NTNG2: variants seen among roughly 807,000 people sequenced by gnomAD.
NTNG2 encodes the protein netrin-G2.
In NTNG2, 15 loss-of-function variants were observed where a neutral mutation model predicts 47.6. The observed-to-expected ratio is 0.32, with a 90% CI of 0.21 to 0.49. The LOEUF (loss-of-function observed/expected upper bound fraction) is 0.49. Ranked by LOEUF, NTNG2 falls within the 20% of genes least tolerant of loss-of-function variation. The probability of loss-of-function intolerance (pLI) is 0.99; values close to 1 mark genes in which losing one functional copy is unlikely to be tolerated. For synonymous variants in NTNG2, 307 were observed against 324.6 expected, an observed-to-expected ratio of 0.95 and a Z score of 0.58; for missense variants, 578 against 764.6, an observed-to-expected ratio of 0.76 and a Z score of 2.88.
At chr9:132,227,482 T>C (rs1840865335) in intron 4 of NTNG2, among the ~76,000 whole-genome samples, 1 of 152,124 alleles carries the variant, frequency 6.6e-6, no homozygotes, top group Non-Finnish European at 1.5e-5. Context: ...GGACCCCCAC[T>C]TCAGGTGAGG....
Position 132,197,159 on chromosome 9 carries a change from C to A in NTNG2, c.214-807C>A, listed in dbSNP as rs764274186. Among the ~76,000 whole-genome samples, 23 of 152,122 alleles carry A rather than the reference C, an allele frequency of 1.5e-4. No individual in the cohort carries two copies. Among genetic ancestry groups the A allele is most frequent in the Non-Finnish European group, 2.5e-4 (17 of 68,032 alleles). ...AATCCCAGCACTTTGGGAGGGCAAG[C>A]CAGGTGGATCAACGGAGGTCAGAGT... is the stretch of plus-strand genomic sequence containing the variant. On this transcript the variant is annotated intron_variant, in intron 2 of 7. Transcript: ENST00000393229. This position sits in a 1 kb window ranked among gnomAD's most constrained non-coding sequence, Gnocchi z 4.3.
In NTNG2 at chr9:132,163,355, C is replaced by G. The variant is rs1370780292; in HGVS notation, c.-484+1116C>G. 6.6e-6 allele frequency among the ~76,000 whole-genome samples: 1 copy of G among 151,246 alleles called. No homozygotes were observed. The highest frequency in any genetic ancestry group is 1.5e-5 in the Non-Finnish European group (1 of 67,672). On this transcript the variant is annotated intron_variant, in intron 1 of 7. Transcript: ENST00000393229. This position sits in a 1 kb window ranked among gnomAD's most constrained non-coding sequence, Gnocchi z 7.2. ...CGCCCCGCCTCCCGCGCCCAACTTT[C>G]CAGGGCTCCCGCGGGCGGGGACCCA...
At chr9:132,223,962 T>C (rs1564432684) in intron 3 of NTNG2, among the ~76,000 whole-genome samples, 1 of 151,792 alleles carries the variant, frequency 6.6e-6, no homozygotes. Context: ...CTTTCAGCCC[T>C]AGGGCTTTCC....
In NTNG2 at chr9:132,180,534, C is replaced by T. The variant is rs770167332; in HGVS notation, c.213+13490C>T. Among the ~76,000 whole-genome samples the T allele has an allele frequency of 5.9e-5, 9 of 152,206 alleles. No individual in the cohort carries two copies. Among genetic ancestry groups the T allele is most frequent in the Admixed American group, 1.3e-4 (2 of 15,288 alleles). The stretch of plus-strand genomic sequence containing the variant: ...CGTCCTGGGGCTCAGCTCCTAGGGA[C>T]GGGGCTCCCCCAGGCACTGGCTGCC... On this transcript the variant is annotated intron_variant, in intron 2 of 7. Coordinates refer to ENST00000393229, the MANE Select transcript of NTNG2 (RefSeq NM_032536.4). The surrounding 1 kb of genome is among the most constrained non-coding windows in gnomAD (Gnocchi z 4.2).
At chr9:132,167,346 T>G (rs901830171) in intron 2 of NTNG2, among the ~76,000 whole-genome samples, 1 of 152,224 alleles carries the variant, frequency 6.6e-6, no homozygotes, top group Non-Finnish European at 1.5e-5. Context: ...CTCCGCAGCC[T>G]TCAGGCTAAG....
chr9:132,234,121 C>A (rs7871414), intron 5 of NTNG2, among the ~76,000 whole-genome samples: 5,182 of 151,920 alleles, frequency 0.034, 109 homozygotes, highest in Non-Finnish European at 0.051. Context: ...TCCGCCCCCC[C>A]AGGTTCAAGC....
At chr9:132,177,003 G>T (rs1015242197) in intron 2 of NTNG2, among the ~76,000 whole-genome samples, 4 of 152,102 alleles carry the variant, frequency 2.6e-5, no homozygotes, top group African/African-American at 4.8e-5. Context: ...GTTGTGTGTT[G>T]TTTTGAGACA....
intron 4 of NTNG2, among the ~76,000 whole-genome samples, chr9:132,228,814 T>C (rs902437465): frequency 6.6e-6 from 1 of 152,150 alleles, no homozygotes; most frequent in African/African-American, 2.4e-5. Context: ...TGCCTTGGCC[T>C]CCCAAAGTGC....
At chr9:132,227,245 G>A (rs1840839630) in intron 4 of NTNG2, among the ~76,000 whole-genome samples, 1 of 152,228 alleles carries the variant, frequency 6.6e-6, no homozygotes, top group Admixed American at 6.5e-5. Flanking sequence ...ACACGTGCGT[G>A]CATGCACCCC....
Position 132,240,981 on chromosome 9 carries a change from G to A in NTNG2, c.1294G>A (p.Gly432Ser). Residue 432 changes from glycine (G) to serine (S), a missense_variant, in exon 7 of 8, where the codon GGC becomes AGC. Physicochemically the swap from Gly to Ser is moderately conservative, Grantham distance 56 (BLOSUM62 0). Transcript: ENST00000393229. The stretch of plus-strand genomic sequence containing the variant: ...GACCGGCTTCTGCGAGTGCCGCGAG[G>A]GCGCGGCGGGCCCCAAGTGCGACGA... ...NETGFCECRE[G>S]AAGPKCDDCL... 1 of 1,611,242 alleles carries A rather than the reference G, an allele frequency of 6.2e-7. No individual in the cohort carries two copies. Among genetic ancestry groups the A allele is most frequent in the Non-Finnish European group, 8.5e-7 (1 of 1,179,582 alleles).
chr9:132,170,978 C>T (rs908630862), intron 2 of NTNG2, among the ~76,000 whole-genome samples: 4 of 152,080 alleles, frequency 2.6e-5, no homozygotes, highest in Non-Finnish European at 5.9e-5. Context: ...GGGGTCTGTG[C>T]AGGTTAAGAG....
Position 132,209,147 on chromosome 9 carries a change from G to A in NTNG2, c.857+10538G>A, listed in dbSNP as rs79314968. ...ATGAGTAGAGCTGCTATAAACATTC[G>A]TGGAAAGGTTTTTGGGTGAACATAA... On this transcript the variant is annotated intron_variant, in intron 3 of 7. Transcript: ENST00000393229. Among the ~76,000 whole-genome samples, 1,117 of 152,354 alleles carry A rather than the reference G, an allele frequency of 7.3e-3. 12 individuals are homozygous for A. The highest frequency in any genetic ancestry group is 0.025 in the African/African-American group (1,035 of 41,578).
chr9:132,175,199 C>T (rs1836332786), intron 2 of NTNG2, among the ~76,000 whole-genome samples: 1 of 152,138 alleles, frequency 6.6e-6, no homozygotes, highest in Admixed American at 6.6e-5. Flanking sequence ...CATCCAAGCC[C>T]CTGTAGGTCT....
intron 2 of NTNG2, among the ~76,000 whole-genome samples, chr9:132,186,573 T>C (rs557867839): frequency 1.3e-5 from 2 of 152,320 alleles, no homozygotes; most frequent in Non-Finnish European, 2.9e-5. Context: ...TCATCCTTGC[T>C]TTCTGACCTT....
intron 3 of NTNG2, among the ~76,000 whole-genome samples, chr9:132,220,657 T>C (rs575457970): frequency 1.3e-5 from 2 of 152,230 alleles, no homozygotes; most frequent in South Asian, 4.1e-4. Flanking sequence ...TTTCACCATG[T>C]TGACCAACTT....
At chr9:132,192,601 A>G (rs901573684) in intron 2 of NTNG2, among the ~76,000 whole-genome samples, 1 of 152,126 alleles carries the variant, frequency 6.6e-6, no homozygotes, top group African/African-American at 2.4e-5. Flanking sequence ...AAAAAACAAA[A>G]CAAAACAAAA....
At chr9:132,198,767 A>G (rs1564410056) in intron 3 of NTNG2, among the ~76,000 whole-genome samples, 158 bp downstream of exon 3, 2 of 151,922 alleles carry the variant, frequency 1.3e-5, no homozygotes, top group African/African-American at 4.8e-5. Flanking sequence ...TATGTGATAC[A>G]TCGTTACCTG....
chr9:132,169,078 C>T (rs1835700936), intron 2 of NTNG2, among the ~76,000 whole-genome samples: 1 of 152,232 alleles, frequency 6.6e-6, no homozygotes, highest in African/African-American at 2.4e-5. Context: ...GGCAGCCAGC[C>T]TCAAGCCCTG....
chr9:132,223,278 C>T (rs34922804), intron 3 of NTNG2, among the ~76,000 whole-genome samples: 5,778 of 152,268 alleles, frequency 0.038, 163 homozygotes, highest in Middle Eastern at 0.071. Flanking sequence ...GACGCAGGGG[C>T]CGCTGTTTCC....
Sources: gnomAD v4.1 joint callset for allele counts (sites outside exome capture counted in the v4.1 genomes callset) on GRCh38, gnomAD v4.1.1 for gene constraint, Gnocchi (gnomAD v3.1) non-coding constraint, MANE v1.5 for transcripts, NCBI Gene and HGNC (gene_info 2026-07-23, HGNC 2026-07-21) for gene names.